Variants in CNTNAP2 observed in about 807,000 individuals in gnomAD.
CNTNAP2 encodes contactin associated protein 2.
Under a neutral mutation model 155.2 loss-of-function variants are expected in CNTNAP2, and 98 were observed. The ratio of observed to expected loss-of-function variants is 0.63; its 90% confidence interval spans 0.54 to 0.75. The LOEUF (loss-of-function observed/expected upper bound fraction) is 0.75. Among genes scored for constraint, CNTNAP2 ranks in the 30% least tolerant of loss-of-function variants. The probability of loss-of-function intolerance (pLI) is 0.00; values close to 1 mark genes in which losing one functional copy is unlikely to be tolerated. For synonymous variants in CNTNAP2, 651 were observed against 631.2 expected, an observed-to-expected ratio of 1.03 and a Z score of -0.47; for missense variants, 1,727 against 1,688.1, an observed-to-expected ratio of 1.02 and a Z score of -0.40.
intron 14 of CNTNAP2, among the ~76,000 whole-genome samples, chr7:147,913,468 A>G (rs1043062922): frequency 3.3e-5 from 5 of 152,196 alleles, no homozygotes; most frequent in Non-Finnish European, 7.3e-5. Flanking sequence ...CCCACCTTAG[A>G]CAAACAAACA....
chr7:146,580,805 C>A (rs997169318), intron 1 of CNTNAP2, among the ~76,000 whole-genome samples: 12 of 152,024 alleles, frequency 7.9e-5, no homozygotes, highest in African/African-American at 2.7e-4. Context: ...TTCATCAAAG[C>A]TTTATCCCCA....
intron 8 of CNTNAP2, among the ~76,000 whole-genome samples, chr7:147,160,024 A>T (rs1245612301): frequency 6.6e-6 from 1 of 152,090 alleles, no homozygotes; most frequent in Admixed American, 6.6e-5. Flanking sequence ...TATAATTGGT[A>T]AGAACCTAGA....
chr7:147,270,498 T>C (rs1804719149), intron 8 of CNTNAP2, among the ~76,000 whole-genome samples: 1 of 152,238 alleles, frequency 6.6e-6, no homozygotes, highest in African/African-American at 2.4e-5. Flanking sequence ...ATTACACATG[T>C]GGCTTACCTC....
intron 15 of CNTNAP2, among the ~76,000 whole-genome samples, chr7:148,064,463 A>C (rs1803215860): frequency 6.6e-6 from 1 of 152,102 alleles, no homozygotes; most frequent in Non-Finnish European, 1.5e-5. Context: ...AAATCAGTAA[A>C]GAGGAAGTCA....
intron 10 of CNTNAP2, among the ~76,000 whole-genome samples, chr7:147,464,527 A>C (rs1286582731): frequency 6.6e-6 from 1 of 151,838 alleles, no homozygotes; most frequent in African/African-American, 2.4e-5. Context: ...TGTGTCACAA[A>C]TGTGCTATGT....
At chr7:146,836,532 GCATAA>G (rs1210779685) in intron 2 of CNTNAP2, among the ~76,000 whole-genome samples, 3 of 152,070 alleles carry the variant, frequency 2.0e-5, no homozygotes, top group Non-Finnish European at 4.4e-5. Flanking sequence ...TAAGACCACA[GCATAA>G]CATATTTCCT....
chr7:146,312,238 T>TA (rs1800837065), intron 1 of CNTNAP2, among the ~76,000 whole-genome samples: 1 of 152,170 alleles, frequency 6.6e-6, no homozygotes, highest in Admixed American at 6.5e-5. Flanking sequence ...TAAAGATCTA[T>TA]ATAATAAGGA....
intron 13 of CNTNAP2, among the ~76,000 whole-genome samples, chr7:147,654,184 A>C (rs1323381885): frequency 6.6e-6 from 1 of 152,236 alleles, no homozygotes; most frequent in Non-Finnish European, 1.5e-5. Context: ...AGATTTTCAC[A>C]AATGACTTGA....
intron 1 of CNTNAP2, among the ~76,000 whole-genome samples, chr7:146,520,372 G>A (rs1797601154): frequency 6.8e-6 from 1 of 146,614 alleles, no homozygotes; most frequent in Non-Finnish European, 1.5e-5. Context: ...TTCAAATTAA[G>A]ATATACACCT....
At chr7:148,197,303 G>A (rs572809318) in intron 18 of CNTNAP2, among the ~76,000 whole-genome samples, 1 of 152,056 alleles carries the variant, frequency 6.6e-6, no homozygotes, top group Admixed American at 6.5e-5. Flanking sequence ...CTACTTGTTA[G>A]ATTATTTATC....
intron 8 of CNTNAP2, 100 bp from the exon 9 acceptor site, chr7:147,300,041 A>G: frequency 7.5e-7 from 1 of 1,332,038 alleles, no homozygotes; most frequent in Non-Finnish European, 1.1e-6. Flanking sequence ...TTCCAAGAGA[A>G]AAATACTTTT....
chr7:147,773,990 C>T (rs534379622), intron 13 of CNTNAP2, among the ~76,000 whole-genome samples: 1 of 152,126 alleles, frequency 6.6e-6, no homozygotes, highest in Non-Finnish European at 1.5e-5. Flanking sequence ...CACTTCCCTA[C>T]CTCAGCCTCT....
At chr7:146,850,479 A>G (rs1794857986) in intron 3 of CNTNAP2, among the ~76,000 whole-genome samples, 1 of 152,200 alleles carries the variant, frequency 6.6e-6, no homozygotes, top group African/African-American at 2.4e-5. Context: ...ACCAACACTT[A>G]TTGGGGGTTC....
chr7:146,792,823 C>T (rs771421740), intron 2 of CNTNAP2, among the ~76,000 whole-genome samples: 1 of 151,964 alleles, frequency 6.6e-6, no homozygotes, highest in Non-Finnish European at 1.5e-5. Flanking sequence ...TTGTCTTACT[C>T]GATGAAAATA....
intron 1 of CNTNAP2, among the ~76,000 whole-genome samples, chr7:146,587,767 T>A (rs921259705): frequency 6.6e-6 from 1 of 151,892 alleles, no homozygotes; most frequent in African/African-American, 2.4e-5. Context: ...CCACCTCCCA[T>A]GTTCAAGCGA....
chr7:147,800,380 C>T (rs1448480339), intron 13 of CNTNAP2, among the ~76,000 whole-genome samples: 1 of 151,450 alleles, frequency 6.6e-6, no homozygotes, highest in Non-Finnish European at 1.5e-5. Flanking sequence ...TTTTTTTGAC[C>T]TGTACACTGT....
chr7:148,148,613 A>T (rs1341321611), intron 17 of CNTNAP2, among the ~76,000 whole-genome samples: 1 of 152,240 alleles, frequency 6.6e-6, no homozygotes, highest in African/African-American at 2.4e-5. Flanking sequence ...AACACCTGCC[A>T]CTTGGGCTCC....
intron 8 of CNTNAP2, among the ~76,000 whole-genome samples, chr7:147,266,405 C>T (rs894799497): frequency 6.6e-6 from 1 of 152,188 alleles, no homozygotes; most frequent in South Asian, 2.1e-4. Flanking sequence ...GTAGAGGCAG[C>T]CCCTATCTCC....
chr7:148,259,321 A>T (rs902931961), intron 20 of CNTNAP2, among the ~76,000 whole-genome samples: 1 of 149,946 alleles, frequency 6.7e-6, no homozygotes, highest in East Asian at 2.0e-4. Context: ...GCGCCACTGC[A>T]CTCTAGCCTG....
Sources: gnomAD v4.1 joint callset for allele counts (sites outside exome capture counted in the v4.1 genomes callset) on GRCh38, gnomAD v4.1.1 for gene constraint, MANE v1.5 for transcripts, NCBI Gene and HGNC (gene_info 2026-07-23, HGNC 2026-07-21) for gene names.